The following RSBN1L variants were observed in gnomAD, a reference collection of about 807,000 sequenced individuals.
RSBN1L encodes the protein round spermatid basic protein 1 like.
Under a neutral mutation model 67.7 loss-of-function variants are expected in RSBN1L, and 30 were observed. The observed-to-expected ratio is 0.44, with a 90% CI of 0.33 to 0.60. The LOEUF is 0.60. Ranked by LOEUF, RSBN1L falls within the 20% of genes least tolerant of loss-of-function variation. RSBN1L has a pLI of 0.02. For missense variants in RSBN1L, 992 were observed against 1,031.7 expected (o/e 0.96, Z 0.53); for synonymous variants, 433 against 387.0 (o/e 1.12, Z -1.39).
At chr7:77,720,286 C>T (rs190323335) in intron 1 of RSBN1L, among the ~76,000 whole-genome samples, 48 of 152,216 alleles carry the variant, frequency 3.2e-4, no homozygotes, top group African/African-American at 1.1e-3. Context: ...AAAGGCTGGG[C>T]GTGGTGGCTC....
intron 3 of RSBN1L, among the ~76,000 whole-genome samples, chr7:77,756,585 G>T (rs1791621239): frequency 6.6e-6 from 1 of 152,032 alleles, no homozygotes; most frequent in Non-Finnish European, 1.5e-5. Context: ...GACCAGCCTG[G>T]CCAATATGGT....
Position 77,696,666 on chromosome 7 carries a change from G to A in RSBN1L, c.197G>A (p.Ser66Asn). 1.2e-6 allele frequency: 2 copies of A among 1,611,050 alleles called. No individual in the cohort carries two copies. The highest frequency in any genetic ancestry group is 1.7e-6 in the Non-Finnish European group (2 of 1,179,008). The change falls in exon 1 of 8, where the codon AGC (serine) becomes AAC (asparagine). Residue 66 changes from serine (S) to asparagine (N), a missense_variant. Ser to Asn is a conservative substitution (Grantham distance 46, BLOSUM62 1). Transcript: ENST00000334955. Reference sequence around the variant, plus strand: ...GGAGAAGGGGGCAGCGGCGGGAACAGCAGGCAGCTGCAGCCGCCGGCAGCA... The same window carrying A: ...GGAGAAGGGGGCAGCGGCGGGAACAACAGGCAGCTGCAGCCGCCGGCAGCA... ...VNGEGGSGGN[S>N]RQLQPPAAPS... is the part of the protein sequence containing the mutation.
At chr7:77,753,949 G>A (rs79324573) in intron 3 of RSBN1L, among the ~76,000 whole-genome samples, 1 of 152,252 alleles carries the variant, frequency 6.6e-6, no homozygotes, top group Admixed American at 6.5e-5. Flanking sequence ...CCTTAAACCA[G>A]CTAATCATAT....
intron 1 of RSBN1L, among the ~76,000 whole-genome samples, chr7:77,730,803 T>C (rs1308372349): frequency 6.6e-6 from 1 of 152,216 alleles, no homozygotes; most frequent in East Asian, 1.9e-4. Context: ...GTTCCCAAGT[T>C]TTGCCAATTA....
chr7:77,743,369 CG>C (rs1451131365), intron 2 of RSBN1L, among the ~76,000 whole-genome samples: 1 of 151,604 alleles, frequency 6.6e-6, no homozygotes, highest in Non-Finnish European at 1.5e-5. Flanking sequence ...GAGGCCGAGA[CG>C]GGTGGATAAT....
intron 1 of RSBN1L, among the ~76,000 whole-genome samples, chr7:77,713,754 T>C (rs1276418927): frequency 3.3e-5 from 5 of 152,188 alleles, no homozygotes; most frequent in Admixed American, 3.3e-4. Context: ...CCTCATGCCT[T>C]GGCCTCCTCC....
At chr7:77,739,733 AT>A (rs1193908095) in intron 2 of RSBN1L, among the ~76,000 whole-genome samples, 41 of 102,174 alleles carry the variant, frequency 4.0e-4, no homozygotes, top group African/African-American at 1.2e-3. Context: ...AAAAAAAAAA[AT>A]GTGTCTTTTT....
chr7:77,707,884 C>G (rs1481861342), intron 1 of RSBN1L, among the ~76,000 whole-genome samples: 1 of 152,132 alleles, frequency 6.6e-6, no homozygotes, highest in African/African-American at 2.4e-5. Flanking sequence ...GACCTGTACT[C>G]AGCACTTTAC....
intron 3 of RSBN1L, among the ~76,000 whole-genome samples, chr7:77,759,998 A>T (rs1290054310): frequency 3.3e-5 from 5 of 152,144 alleles, no homozygotes; most frequent in African/African-American, 1.2e-4. Context: ...GTTTCAAGTG[A>T]GTCGTTCTTT....
intron 1 of RSBN1L, among the ~76,000 whole-genome samples, chr7:77,728,946 G>T (rs1460136775): frequency 2.6e-5 from 4 of 152,050 alleles, no homozygotes; most frequent in Non-Finnish European, 4.4e-5. Flanking sequence ...ATTTGTTTTT[G>T]GTTTTCTGTG....
At chr7:77,702,168 G>A (rs10235679) in intron 1 of RSBN1L, among the ~76,000 whole-genome samples, 87,149 of 151,590 alleles carry the variant, frequency 0.57, 26,878 homozygotes, top group African/African-American at 0.81. Flanking sequence ...GGGTTTCACT[G>A]TGTTGGCCAG....
At chr7:77,705,905 T>C (rs1185685547) in intron 1 of RSBN1L, among the ~76,000 whole-genome samples, 1 of 152,034 alleles carries the variant, frequency 6.6e-6, no homozygotes, top group African/African-American at 2.4e-5. Flanking sequence ...ACATTTTCTT[T>C]TTTGTTTTTT....
chr7:77,728,287 G>C (rs1022684591), intron 1 of RSBN1L, among the ~76,000 whole-genome samples: 1 of 152,066 alleles, frequency 6.6e-6, no homozygotes, highest in East Asian at 1.9e-4. Flanking sequence ...CTGCATACTT[G>C]ATTGATAGTT....
chr7:77,707,400 T>A (rs959360366), intron 1 of RSBN1L, among the ~76,000 whole-genome samples: 2 of 152,218 alleles, frequency 1.3e-5, no homozygotes, highest in Non-Finnish European at 2.9e-5. Context: ...TTACTCTCAA[T>A]GATTAATCTG....
At chr7:77,746,943 C>T (rs1791491868) in intron 2 of RSBN1L, among the ~76,000 whole-genome samples, 2 of 152,174 alleles carry the variant, frequency 1.3e-5, no homozygotes, top group Admixed American at 6.5e-5. Flanking sequence ...CCTTGGGTAG[C>T]CCCACCCCTG....
At chr7:77,758,530 A>G (rs746728165) in intron 3 of RSBN1L, among the ~76,000 whole-genome samples, 12 of 152,158 alleles carry the variant, frequency 7.9e-5, no homozygotes, top group African/African-American at 1.7e-4. Context: ...AAAATGTGCA[A>G]TTATTACTGA....
In RSBN1L at chr7:77,778,676, T is replaced by C; in HGVS notation, c.2049T>C (p.Ser683=). ...TCAAGACAGTTTCAGCTGTATGCAGTTTAGCATGGCATATTCGGCTCAAAT... is the reference window on the plus strand; with the variant it reads ...TCAAGACAGTTTCAGCTGTATGCAGCTTAGCATGGCATATTCGGCTCAAAT... ...HQFKTVSAVC[S]LAWHIRLKLY... The change falls in exon 8 of 8, where the codon AGT becomes AGC. Residue 683 remains serine, a synonymous_variant. Coordinates refer to ENST00000334955, the MANE Select transcript of RSBN1L (RefSeq NM_198467.3). 1.2e-6 allele frequency: 2 copies of C among 1,614,098 alleles called. No individual in the cohort carries two copies. Among genetic ancestry groups the C allele is most frequent in the Non-Finnish European group, 1.7e-6 (2 of 1,180,002 alleles).
chr7:77,780,543 G>C lies in RSBN1L; in HGVS notation c.*1375G>C, dbSNP rs1327538618. ...AGTATAAAATCTTTAGTTACAGAAAGCTTGTGAGCAATTAAAATCCTTTTA... is the reference window on the plus strand; with the variant it reads ...AGTATAAAATCTTTAGTTACAGAAACCTTGTGAGCAATTAAAATCCTTTTA... On this transcript the variant is annotated 3_prime_UTR_variant, in exon 8 of 8. Transcript: ENST00000334955. The C allele has an allele frequency of 6.6e-6, 1 of 152,102 alleles. No individual in the cohort carries two copies. Among genetic ancestry groups the C allele is most frequent in the East Asian group, 1.9e-4 (1 of 5,196 alleles). 9.4% of individuals were successfully genotyped at this position (152,102 alleles called of 1,614,324 possible). A position where few individuals can be genotyped will look rare whatever the true frequency, so the allele number is the denominator to read the frequency against.
At chr7:77,743,448 T>A (rs1300926569) in intron 2 of RSBN1L, among the ~76,000 whole-genome samples, 2 of 139,508 alleles carry the variant, frequency 1.4e-5, no homozygotes, top group African/African-American at 5.9e-5. Context: ...AAAAAATAAA[T>A]AAATAAGTTG....
Sources: allele counts gnomAD v4.1 joint callset (sites outside exome capture counted in the v4.1 genomes callset), GRCh38; gene constraint gnomAD v4.1.1; transcripts MANE v1.5; gene names NCBI Gene and HGNC (gene_info 2026-07-23, HGNC 2026-07-21).